MGMT: variants seen among roughly 807,000 people sequenced by gnomAD.
MGMT encodes the protein methylated-DNA--protein-cysteine methyltransferase.
In MGMT, 14 loss-of-function variants were observed where a neutral mutation model predicts 15.9. The ratio of observed to expected loss-of-function variants is 0.88; its 90% CI spans 0.58 to 1.37. MGMT has a LOEUF of 1.37. Among genes scored for constraint, MGMT ranks in the 40% most tolerant of loss-of-function variants. MGMT has a pLI of 0.00. For missense variants in MGMT, 282 were observed against 268.1 expected (o/e 1.05, Z -0.36); for synonymous variants, 130 against 118.2 (o/e 1.10, Z -0.65).
At chr10:129,657,648 G>A (rs576057725) in intron 2 of MGMT, among the ~76,000 whole-genome samples, 2 of 149,114 alleles carry the variant, frequency 1.3e-5, no homozygotes, top group Admixed American at 6.8e-5. Context: ...TGGAGCTGGG[G>A]GGGGGACAGG....
At chr10:129,574,959 A>G (rs902752021) in intron 2 of MGMT, among the ~76,000 whole-genome samples, 1 of 152,154 alleles carries the variant, frequency 6.6e-6, no homozygotes, top group Non-Finnish European at 1.5e-5. Flanking sequence ...GGAAAGTGAA[A>G]GGCACCAGGG....
At chr10:129,721,674 T>G (rs1437967808) in intron 3 of MGMT, among the ~76,000 whole-genome samples, 2 of 152,200 alleles carry the variant, frequency 1.3e-5, no homozygotes, top group Non-Finnish European at 2.9e-5. Context: ...TTTCTTACTT[T>G]ATGAACAAGT....
At chr10:129,762,534 A>G (rs1179706372) in intron 4 of MGMT, among the ~76,000 whole-genome samples, 1 of 152,016 alleles carries the variant, frequency 6.6e-6, no homozygotes, top group Admixed American at 6.6e-5. Context: ...TGTCTCCCCA[A>G]CTCAGCGGGA....
intron 1 of MGMT, among the ~76,000 whole-genome samples, chr10:129,468,842 G>C (rs578011827): frequency 9.2e-5 from 14 of 152,126 alleles, no homozygotes; most frequent in Admixed American, 6.6e-4. Context: ...CCGAGATTGC[G>C]CCATTGCACT....
intron 2 of MGMT, among the ~76,000 whole-genome samples, chr10:129,634,324 T>G (rs558235779): frequency 7.9e-5 from 12 of 152,362 alleles, no homozygotes; most frequent in African/African-American, 2.9e-4. Context: ...CTTGGTGCAG[T>G]TCTTCATGTG....
Position 129,518,337 on chromosome 10 carries a change from TACACAC to T in MGMT, c.-12-17872_-12-17867del, listed in dbSNP as rs61316662. Among the ~76,000 whole-genome samples, 913 of 119,642 alleles carry T rather than the reference TACACAC, an allele frequency of 7.6e-3. 9 individuals carry two copies. The highest frequency in any genetic ancestry group is 0.025 in the Middle Eastern group (5 of 200). The allele number at this position is 119,642 out of a possible 152,430, so 78.5% of individuals were successfully genotyped here. A position where few individuals can be genotyped will look rare whatever the true frequency, so the allele number is the denominator to read the frequency against. Reference sequence around the variant, plus strand: ...TGATGTGTGTACAGATACACACACATACACACACACACACACACACACACACACACA... The same window carrying T: ...TGATGTGTGTACAGATACACACACATACACACACACACACACACACACACA... On this transcript the variant is annotated intron_variant, in intron 1 of 4. Coordinates refer to ENST00000651593, the MANE Select transcript of MGMT (RefSeq NM_002412.5).
intron 1 of MGMT, among the ~76,000 whole-genome samples, chr10:129,516,058 G>A (rs575712914): frequency 6.6e-6 from 1 of 152,298 alleles, no homozygotes; most frequent in African/African-American, 2.4e-5. Context: ...CTCTGTGCTG[G>A]TTCCCAGCTT....
At chr10:129,547,948 G>A (rs911133406) in intron 2 of MGMT, among the ~76,000 whole-genome samples, 6 of 152,198 alleles carry the variant, frequency 3.9e-5, no homozygotes, top group Non-Finnish European at 7.3e-5. Flanking sequence ...TGTGTCGTCC[G>A]GTGAGGTCTC....
intron 2 of MGMT, among the ~76,000 whole-genome samples, chr10:129,628,114 G>A (rs1847171026): frequency 1.3e-5 from 2 of 152,310 alleles, no homozygotes; most frequent in African/African-American, 4.8e-5. Flanking sequence ...ATGCAGATGA[G>A]CGGCATCCTA....
chr10:129,478,975 T>G (rs1284124305), intron 1 of MGMT, among the ~76,000 whole-genome samples: 3 of 152,230 alleles, frequency 2.0e-5, no homozygotes, highest in Non-Finnish European at 4.4e-5. Flanking sequence ...TTATTAATGA[T>G]TGATTCTGTT....
intron 1 of MGMT, 33 bp from the exon 2 acceptor site, chr10:129,536,208 A>G (rs1249680676): frequency 1.2e-6 from 2 of 1,612,486 alleles, no homozygotes; most frequent in Non-Finnish European, 8.5e-7. Context: ...CCTCTTACCT[A>G]TACACTTTGT....
chr10:129,520,626 C>T (rs1234015187), intron 1 of MGMT, among the ~76,000 whole-genome samples: 1 of 125,970 alleles, frequency 7.9e-6, no homozygotes, highest in Admixed American at 8.1e-5. Context: ...GGTGCACCTA[C>T]AGAACCCCTA....
intron 2 of MGMT, among the ~76,000 whole-genome samples, chr10:129,600,088 A>C (rs1846801731): frequency 6.6e-6 from 1 of 152,168 alleles, no homozygotes; most frequent in Non-Finnish European, 1.5e-5. Context: ...CTGGGACCTA[A>C]GTCTGTGTGG....
chr10:129,526,060 C>A (rs1278245250), intron 1 of MGMT, among the ~76,000 whole-genome samples: 2 of 152,206 alleles, frequency 1.3e-5, no homozygotes, highest in East Asian at 3.9e-4. Context: ...CTGTCTTGTG[C>A]TGGATGTGAC....
intron 2 of MGMT, among the ~76,000 whole-genome samples, chr10:129,576,921 A>G (rs1424509300): frequency 1.3e-5 from 2 of 152,234 alleles, no homozygotes; most frequent in Non-Finnish European, 2.9e-5. Flanking sequence ...ATCATGAGTG[A>G]ACTCCCATTC....
chr10:129,685,883 A>G (rs1172117854), intron 2 of MGMT, among the ~76,000 whole-genome samples: 1 of 152,178 alleles, frequency 6.6e-6, no homozygotes, highest in African/African-American at 2.4e-5. Context: ...AAACGTTTCT[A>G]TTTATATTCT....
At chr10:129,653,790 G>C (rs1847491278) in intron 2 of MGMT, among the ~76,000 whole-genome samples, 1 of 152,244 alleles carries the variant, frequency 6.6e-6, no homozygotes, top group Non-Finnish European at 1.5e-5. Flanking sequence ...GCATCACTGA[G>C]GCCCCACAGC....
chr10:129,557,278 C>T (rs1318159078), intron 2 of MGMT, among the ~76,000 whole-genome samples: 1 of 152,164 alleles, frequency 6.6e-6, no homozygotes, highest in Non-Finnish European at 1.5e-5. Flanking sequence ...AGTATCTTGT[C>T]TGACAATCTC....
intron 2 of MGMT, among the ~76,000 whole-genome samples, chr10:129,691,997 C>T (rs1218533835): frequency 6.6e-6 from 1 of 152,220 alleles, no homozygotes; most frequent in African/African-American, 2.4e-5. Context: ...ATACTCACCT[C>T]CTACCTTGTT....
Sources: allele counts gnomAD v4.1 joint callset (sites outside exome capture counted in the v4.1 genomes callset), GRCh38; gene constraint gnomAD v4.1.1; transcripts MANE v1.5; gene names NCBI Gene and HGNC (gene_info 2026-07-23, HGNC 2026-07-21).